The following ECD variants were observed in gnomAD, a reference collection of about 807,000 sequenced individuals.
The protein encoded by ECD is ecdysoneless cell cycle regulator, also known as protein ecdysoneless homolog.
Under a neutral mutation model 77.2 loss-of-function variants are expected in ECD, and 59 were observed. That is an observed-to-expected ratio of 0.76 (90% CI 0.62 to 0.95). ECD has a LOEUF of 0.95. Among genes scored for constraint, ECD ranks in the 40% least tolerant of loss-of-function variants. The pLI, the probability that ECD is intolerant of heterozygous loss-of-function variation, is 0.00. For synonymous variants in ECD, 233 were observed against 267.4 expected (o/e 0.87, Z 1.26); for missense variants, 704 against 763.4 (o/e 0.92, Z 0.92).
chr10:73,155,117 C>T (rs915884346), intron 5 of ECD, among the ~76,000 whole-genome samples: 2 of 152,060 alleles, frequency 1.3e-5, no homozygotes, highest in Non-Finnish European at 2.9e-5. Context: ...GGTGCAACCT[C>T]GGCTCACTGT....
intron 8 of ECD, 140 bp downstream of exon 8, chr10:73,148,136 C>T (rs1008048289): frequency 9.9e-7 from 1 of 1,010,520 alleles, no homozygotes; most frequent in Non-Finnish European, 1.4e-6. Context: ...CACCTGAGTA[C>T]CACTGAACTA....
intron 9 of ECD, 28 bp downstream of exon 9, chr10:73,146,248 T>C: frequency 2.4e-6 from 3 of 1,268,414 alleles, no homozygotes; most frequent in Non-Finnish European, 3.3e-6. Flanking sequence ...TACCAATCTT[T>C]GTAGTAGGAG....
rs1395289585 is a variant in ECD at position 73,148,213 on chromosome 10, T to C, written c.1041+63A>G. 8 of 1,589,496 alleles carry C rather than the reference T, an allele frequency of 5.0e-6. No homozygotes were observed. The South Asian group carries it at 6.8e-5, about 14-fold the overall frequency. ...CATTTAAATATGGACTATAGGACTT[T>C]AAGTCGCTGGCTTGATTTTCCCTGG... On this transcript the variant is annotated intron_variant, in intron 8 of 13. Transcript: ENST00000372979.
chr10:73,155,701 C>T (rs570038434), intron 5 of ECD, among the ~76,000 whole-genome samples: 1 of 149,864 alleles, frequency 6.7e-6, no homozygotes, highest in African/African-American at 2.5e-5. Flanking sequence ...CGGGTTCAAG[C>T]GATTCTCCTT....
chr10:73,158,840 C>A (rs2133270974), intron 3 of ECD, among the ~76,000 whole-genome samples: 1 of 152,064 alleles, frequency 6.6e-6, no homozygotes, highest in African/African-American at 2.4e-5. Flanking sequence ...GAGTTCAAGT[C>A]CCGCCTGGGC....
intron 1 of ECD, among the ~76,000 whole-genome samples, chr10:73,164,702 C>T (rs1190862225): frequency 6.6e-6 from 1 of 152,154 alleles, no homozygotes; most frequent in East Asian, 1.9e-4. Context: ...AACTTCTGAG[C>T]TCAAGCAGTT....
At chr10:73,143,514 C>T (rs767707211) in intron 9 of ECD, among the ~76,000 whole-genome samples, 3 of 151,970 alleles carry the variant, frequency 2.0e-5, no homozygotes, top group South Asian at 2.1e-4. Flanking sequence ...AACATCCACA[C>T]GGTATATATT....
chr10:73,163,692 A>C lies in ECD; in HGVS notation c.205+41T>G, dbSNP rs372379657. ...TACACATCACTGTTGTCAGGATAAC[A>C]TTAAAAGTCACACTAATCCAAACAA... On this transcript the variant is annotated intron_variant, in intron 2 of 13. Transcript: ENST00000372979. The C allele has an allele frequency of 5.2e-5, 82 of 1,591,856 alleles. No homozygotes were observed. In the African/African-American group the frequency reaches 1.0e-3, roughly 20 times the overall value.
At chr10:73,134,901 G>A in intron 13 of ECD, 88 bp from the exon 14 acceptor site, 1 of 1,138,734 alleles carries the variant, frequency 8.8e-7, no homozygotes, top group Non-Finnish European at 1.3e-6. Context: ...AAGCCACAAT[G>A]TAAATTTGCA....
At chr10:73,153,901 G>A (rs974078142) in intron 6 of ECD, among the ~76,000 whole-genome samples, 2 of 152,048 alleles carry the variant, frequency 1.3e-5, no homozygotes, top group Non-Finnish European at 2.9e-5. Flanking sequence ...GTAAATATCT[G>A]AAATCTAAAA....
chr10:73,160,325 C>A, intron 3 of ECD, 109 bp downstream of exon 3: 6 of 636,264 alleles, frequency 9.4e-6, no homozygotes, highest in South Asian at 2.5e-5. Flanking sequence ...AAAATCTGTA[C>A]AATTTCCAGC....
chr10:73,159,357 T>C (rs1005958510), intron 3 of ECD, among the ~76,000 whole-genome samples: 1 of 152,256 alleles, frequency 6.6e-6, no homozygotes, highest in African/African-American at 2.4e-5. Flanking sequence ...TTTCTGTGTA[T>C]GATTTCTCAA....
In ECD at chr10:73,134,346, C is replaced by T; in HGVS notation, c.*237G>A. On this transcript the variant is annotated 3_prime_UTR_variant, in exon 14 of 14. Coordinates refer to ENST00000372979, the MANE Select transcript of ECD (RefSeq NM_007265.3). Reference sequence around the variant, plus strand: ...TTAGCATGAAGTGTGTGAATTTCATCTCAAGGTTGTCTAGGGGCTAGATTC... The same window carrying T: ...TTAGCATGAAGTGTGTGAATTTCATTTCAAGGTTGTCTAGGGGCTAGATTC... 2 of 490,130 alleles carry T rather than the reference C, an allele frequency of 4.1e-6. No individual in the cohort carries two copies. The highest frequency in any genetic ancestry group is 3.7e-6 in the Non-Finnish European group (1 of 273,790). The allele number at this position is 490,130 out of a possible 1,614,324, so 30.4% of individuals were successfully genotyped here.
intron 5 of ECD, among the ~76,000 whole-genome samples, chr10:73,154,839 T>C (rs1345889634): frequency 6.6e-6 from 1 of 151,376 alleles, no homozygotes; most frequent in Non-Finnish European, 1.5e-5. Context: ...GAGGCTGACA[T>C]AGGAGAATCG....
intron 5 of ECD, among the ~76,000 whole-genome samples, chr10:73,155,910 G>A (rs896984759): frequency 6.6e-6 from 1 of 151,950 alleles, no homozygotes; most frequent in South Asian, 2.1e-4. Flanking sequence ...GGCCCATGAA[G>A]TTTCTATTTT....
chr10:73,155,944 A>T (rs947111954), intron 5 of ECD, among the ~76,000 whole-genome samples: 3 of 152,056 alleles, frequency 2.0e-5, no homozygotes, highest in Non-Finnish European at 4.4e-5. Context: ...TTTTTTACCC[A>T]TGGATATAGC....
In ECD at chr10:73,134,089, C is replaced by T. The variant is rs554859380; in HGVS notation, c.*494G>A. The T allele has an allele frequency of 6.5e-6, 1 of 154,420 alleles. No homozygotes were observed. The highest frequency in any genetic ancestry group is 2.4e-5 in the African/African-American group (1 of 41,506). 9.6% of individuals were successfully genotyped at this position (154,420 alleles called of 1,614,324 possible). A position where few individuals can be genotyped will look rare whatever the true frequency, so the allele number is the denominator to read the frequency against. On this transcript the variant is annotated 3_prime_UTR_variant, in exon 14 of 14. Coordinates refer to ENST00000372979, the MANE Select transcript of ECD (RefSeq NM_007265.3). The stretch of plus-strand genomic sequence containing the variant: ...GCTGTTATTTACAAGTAAATAAGTT[C>T]TATATCTTGCTTCAGGTACATACAT...
chr10:73,166,840 G>A (rs1843477069), intron 1 of ECD, among the ~76,000 whole-genome samples: 1 of 152,094 alleles, frequency 6.6e-6, no homozygotes, highest in Admixed American at 6.5e-5. Flanking sequence ...GTCCATTTTT[G>A]TTTTGGCTGC....
At chr10:73,167,811 T>TC in intron 1 of ECD, 55 bp downstream of exon 1, 1 of 157,606 alleles carries the variant, frequency 6.3e-6, no homozygotes, top group African/African-American at 2.4e-5. Flanking sequence ...TAGTGCTCTT[T>TC]CCCCAGTCTA....
Sources: allele counts gnomAD v4.1 joint callset (sites outside exome capture counted in the v4.1 genomes callset), GRCh38; gene constraint gnomAD v4.1.1; transcripts MANE v1.5; gene names NCBI Gene and HGNC (gene_info 2026-07-23, HGNC 2026-07-21).